The following SCAI variants were observed in gnomAD, a reference collection of about 807,000 sequenced individuals.
The protein encoded by SCAI is protein SCAI.
A neutral mutation model predicts 92.2 loss-of-function variants in SCAI; 24 were observed. That is an observed-to-expected ratio of 0.26 (90% confidence interval 0.19 to 0.37). The LOEUF is 0.37. Among genes scored for constraint, SCAI ranks in the 10% least tolerant of loss-of-function variants. SCAI has a pLI of 1.00. For missense variants in SCAI, 450 were observed against 736.2 expected (o/e 0.61, Z 4.50); for synonymous variants, 261 against 258.6 (o/e 1.01, Z -0.09).
chr9:125,106,122 A>AAAAAT (rs1554791724), intron 2 of SCAI, among the ~76,000 whole-genome samples: 2 of 8,858 alleles, frequency 2.3e-4, no homozygotes, highest in African/African-American at 2.3e-4. Context: ...AAAAAAAAAA[A>AAAAAT]ATATATATAT....
chr9:125,077,972 C>T (rs897455920), intron 2 of SCAI, among the ~76,000 whole-genome samples: 4 of 151,966 alleles, frequency 2.6e-5, no homozygotes, highest in African/African-American at 9.7e-5. Flanking sequence ...ACACCCCCCC[C>T]GCCTCCCAAA....
At chr9:125,134,442 TACA>T (rs1369062081) in intron 2 of SCAI, among the ~76,000 whole-genome samples, 2 of 152,194 alleles carry the variant, frequency 1.3e-5, no homozygotes, top group East Asian at 3.9e-4. Flanking sequence ...ACAAATTACA[TACA>T]ACAACAAAAT....
chr9:125,026,880 A>G lies in SCAI; in HGVS notation c.444T>C (p.Asn148=). Residue 148 remains asparagine (N), a synonymous_variant, in exon 6 of 18, where the codon AAT becomes AAC. Transcript: ENST00000336505. ...YLRTSETSYL[N]EAFSFYSAIR... Reference sequence around the variant, plus strand: ...TTGCAGAATAGAAGGAAAAAGCCTCATTCAGATAGCTGGTTTCCGATGTGC... The same window carrying G: ...TTGCAGAATAGAAGGAAAAAGCCTCGTTCAGATAGCTGGTTTCCGATGTGC... 6.2e-7 allele frequency: 1 copy of G among 1,608,206 alleles called. No individual in the cohort carries two copies. The highest frequency in any genetic ancestry group is 8.5e-7 in the Non-Finnish European group (1 of 1,175,572).
At chr9:125,045,461 C>T (rs917014398) in intron 3 of SCAI, among the ~76,000 whole-genome samples, 2 of 152,158 alleles carry the variant, frequency 1.3e-5, no homozygotes, top group African/African-American at 4.8e-5. Context: ...TCACCTCAAC[C>T]TCTTGAGCAG....
intron 2 of SCAI, among the ~76,000 whole-genome samples, chr9:125,099,895 C>T (rs1834643484): frequency 1.3e-5 from 2 of 152,108 alleles, no homozygotes; most frequent in Admixed American, 1.3e-4. Flanking sequence ...AAATAATATC[C>T]CATTGTATGG....
rs1334963176 is a variant in SCAI, at chr9:124,943,878, A to G, written c.*8929T>C. 2 of 152,262 alleles carry G rather than the reference A, an allele frequency of 1.3e-5. No individual in the cohort carries two copies. Among genetic ancestry groups the G allele is most frequent in the East Asian group, 3.8e-4 (2 of 5,206 alleles). The allele number at this position is 152,262 out of a possible 1,614,324, so 9.4% of individuals were successfully genotyped here. On this transcript the variant is annotated 3_prime_UTR_variant, in exon 18 of 18. Coordinates refer to ENST00000336505, the MANE Select transcript of SCAI (RefSeq NM_001144877.3). The stretch of plus-strand genomic sequence containing the variant: ...ATTACAATAATTCTTAGCACAAAGT[A>G]AAAAGTGATTTATAACTGCTTCATC...
At chr9:124,981,623 T>C (rs16927801) in intron 14 of SCAI, among the ~76,000 whole-genome samples, 4,990 of 152,282 alleles carry the variant, frequency 0.033, 215 homozygotes, top group Admixed American at 0.091. Context: ...GATTGTCTTA[T>C]TTATCCTATC....
At chr9:125,087,574 G>A (rs1031321987) in intron 2 of SCAI, among the ~76,000 whole-genome samples, 3 of 152,204 alleles carry the variant, frequency 2.0e-5, no homozygotes, top group East Asian at 1.9e-4. Context: ...TATTTTACAC[G>A]GCACTTTCAA....
intron 17 of SCAI, among the ~76,000 whole-genome samples, chr9:124,963,756 T>C (rs573085716): frequency 5.9e-3 from 79 of 13,328 alleles, no homozygotes; most frequent in Non-Finnish European, 1.0e-2. Context: ...AGAATCTGTC[T>C]CAAAAAAAAA....
intron 3 of SCAI, among the ~76,000 whole-genome samples, chr9:125,041,945 C>G (rs1833324709): frequency 6.6e-6 from 1 of 152,060 alleles, no homozygotes; most frequent in Non-Finnish European, 1.5e-5. Context: ...ATATGATCAG[C>G]ATCTAAAATT....
chr9:125,134,430 A>T (rs1835474321), intron 2 of SCAI, among the ~76,000 whole-genome samples: 1 of 152,202 alleles, frequency 6.6e-6, no homozygotes, highest in Non-Finnish European at 1.5e-5. Context: ...AATGTTTCTT[A>T]AACAAATTAC....
At chr9:124,996,701 C>A (rs1832246036) in intron 13 of SCAI, among the ~76,000 whole-genome samples, 1 of 151,826 alleles carries the variant, frequency 6.6e-6, no homozygotes, top group East Asian at 1.9e-4. Flanking sequence ...ATGATCTCGG[C>A]TCACTGCAAC....
chr9:124,964,817 T>C (rs1335672080), intron 17 of SCAI, among the ~76,000 whole-genome samples: 3 of 152,248 alleles, frequency 2.0e-5, no homozygotes, highest in Admixed American at 2.0e-4. Context: ...TGTCCAGACC[T>C]TCTTGTTGTA....
intron 2 of SCAI, among the ~76,000 whole-genome samples, chr9:125,064,383 T>A (rs187592668): frequency 8.5e-4 from 129 of 152,212 alleles, no homozygotes; most frequent in Admixed American, 1.0e-3. Flanking sequence ...ATAAATAAAT[T>A]AATTAATTAA....
chr9:125,005,181 T>C (rs993981161), intron 9 of SCAI, among the ~76,000 whole-genome samples: 3 of 152,162 alleles, frequency 2.0e-5, no homozygotes, highest in African/African-American at 4.8e-5. Flanking sequence ...AATACTTATA[T>C]AGAACTTCAG....
At position 124,975,213 on chromosome 9, in the gene SCAI, T is replaced by C. The variant is rs777620996; in HGVS notation, c.1399+901A>G. 7.9e-5 allele frequency: 30 copies of C among 377,736 alleles called. No individual in the cohort carries two copies. The Middle Eastern group carries it at 1.1e-3, about 14-fold the overall frequency. The allele number at this position is 377,736 out of a possible 1,614,324, so 23.4% of individuals were successfully genotyped here. On this transcript the variant is annotated intron_variant, in intron 15 of 17. Transcript: ENST00000336505. ...TTTGGATACATGAAGTTAATATTTC[T>C]ACATGTTTTTCCCTGTTAAACAGCA...
At chr9:125,097,101 T>C (rs1421107755) in intron 2 of SCAI, among the ~76,000 whole-genome samples, 1 of 152,170 alleles carries the variant, frequency 6.6e-6, no homozygotes, top group Non-Finnish European at 1.5e-5. Context: ...CAATTACTTC[T>C]AGGAATACCA....
At position 125,109,094 on chromosome 9, in the gene SCAI, C is replaced by T. The variant is rs1301735949; in HGVS notation, c.98+33539G>A. ...TGCTCTCTGAAACATGTGCTGTGTCCACTCAGGGTTAAATGGATTAAGGGC... is the reference window on the plus strand; with the variant it reads ...TGCTCTCTGAAACATGTGCTGTGTCTACTCAGGGTTAAATGGATTAAGGGC... On this transcript the variant is annotated intron_variant, in intron 2 of 17. Coordinates refer to ENST00000336505, the MANE Select transcript of SCAI (RefSeq NM_001144877.3). Among the ~76,000 whole-genome samples the T allele has an allele frequency of 5.3e-5, 8 of 152,192 alleles. No homozygotes were observed. The East Asian group carries it at 9.6e-4, about 18-fold the overall frequency.
intron 2 of SCAI, among the ~76,000 whole-genome samples, chr9:125,136,695 G>A (rs139609815): frequency 7.3e-5 from 11 of 151,472 alleles, no homozygotes; most frequent in Admixed American, 4.0e-4. Context: ...TCCTGACCTC[G>A]TGATCTGCCA....
Sources: allele counts gnomAD v4.1 joint callset (sites outside exome capture counted in the v4.1 genomes callset), GRCh38; gene constraint gnomAD v4.1.1; transcripts MANE v1.5; gene names NCBI Gene and HGNC (gene_info 2026-07-23, HGNC 2026-07-21).